Variants in PPM1D observed in about 807,000 individuals in gnomAD.
PPM1D encodes protein phosphatase 1D.
In PPM1D, 52 loss-of-function variants were observed where a neutral mutation model predicts 58.3. The ratio of observed to expected loss-of-function variants is 0.89; its 90% CI spans 0.71 to 1.12. PPM1D has a LOEUF of 1.12. Among genes scored for constraint, PPM1D ranks in the 50% most tolerant of loss-of-function variants. The pLI is 0.00. For synonymous variants in PPM1D, 278 were observed against 285.1 expected (o/e 0.98, Z 0.25); for missense variants, 564 against 777.2 (o/e 0.73, Z 3.26).
chr17:60,628,809 T>C (rs955359190), intron 2 of PPM1D, among the ~76,000 whole-genome samples: 2 of 152,108 alleles, frequency 1.3e-5, no homozygotes, highest in Non-Finnish European at 2.9e-5. Context: ...GGAGACACCC[T>C]GAAAAAGTCT....
At chr17:60,602,682 C>T (rs1033305156) in intron 1 of PPM1D, among the ~76,000 whole-genome samples, 2 of 150,220 alleles carry the variant, frequency 1.3e-5, no homozygotes, top group Non-Finnish European at 3.0e-5. Flanking sequence ...TAAGCTGTCA[C>T]TCTTATGATG....
intron 3 of PPM1D, among the ~76,000 whole-genome samples, chr17:60,638,670 G>C (rs975494646): frequency 2.6e-5 from 4 of 152,140 alleles, no homozygotes; most frequent in African/African-American, 9.6e-5. Context: ...CGACCGACCG[G>C]CCTGGAAATA....
At chr17:60,625,658 G>A (rs2030790889) in intron 2 of PPM1D, among the ~76,000 whole-genome samples, 1 of 152,144 alleles carries the variant, frequency 6.6e-6, no homozygotes, top group African/African-American at 2.4e-5. Flanking sequence ...ATTTTTCCAA[G>A]TAAAGGTAGA....
chr17:60,627,977 C>A (rs1376600888), intron 2 of PPM1D, among the ~76,000 whole-genome samples: 1 of 151,786 alleles, frequency 6.6e-6, no homozygotes, highest in African/African-American at 2.4e-5. Flanking sequence ...CCTCTGCTTC[C>A]TGGGTTCTCA....
chr17:60,614,344 G>A (rs1598400858), intron 1 of PPM1D, among the ~76,000 whole-genome samples: 1 of 152,178 alleles, frequency 6.6e-6, no homozygotes, highest in East Asian at 1.9e-4. Context: ...CTAGCTCAAG[G>A]TTTGTAAATG....
At chr17:60,636,838 A>G (rs2031031594) in intron 3 of PPM1D, among the ~76,000 whole-genome samples, 1 of 151,818 alleles carries the variant, frequency 6.6e-6, no homozygotes, top group Admixed American at 6.6e-5. Flanking sequence ...ATCACACCCA[A>G]CTAATTTTTA....
chr17:60,612,781 G>C (rs1382835815), intron 1 of PPM1D, among the ~76,000 whole-genome samples: 1 of 151,830 alleles, frequency 6.6e-6, no homozygotes, highest in Admixed American at 6.6e-5. Flanking sequence ...AGAAACAGCA[G>C]CATTTGGAGT....
At chr17:60,627,920 T>TTA (rs2030842993) in intron 2 of PPM1D, among the ~76,000 whole-genome samples, 1 of 149,154 alleles carries the variant, frequency 6.7e-6, no homozygotes, top group East Asian at 2.0e-4. Flanking sequence ...AGTTTTGCTC[T>TTA]TATTGCCCAG....
intron 3 of PPM1D, among the ~76,000 whole-genome samples, chr17:60,643,737 C>T (rs954331424): frequency 2.6e-5 from 4 of 151,996 alleles, no homozygotes; most frequent in Non-Finnish European, 2.9e-5. Context: ...ATGTGATATA[C>T]GGAGAAGGAC....
intron 5 of PPM1D, among the ~76,000 whole-genome samples, chr17:60,660,985 G>A (rs1490982716): frequency 3.3e-5 from 5 of 151,616 alleles, no homozygotes; most frequent in East Asian, 2.0e-4. Flanking sequence ...AGGCCGAGGC[G>A]GACAGATCAC....
chr17:60,641,638 T>G (rs2032141235), intron 3 of PPM1D, among the ~76,000 whole-genome samples: 1 of 152,202 alleles, frequency 6.6e-6, no homozygotes, highest in African/African-American at 2.4e-5. Context: ...TTTTGAGGAT[T>G]TAGTCACAGA....
intron 4 of PPM1D, among the ~76,000 whole-genome samples, chr17:60,653,567 G>T (rs1276846590): frequency 1.3e-5 from 2 of 152,178 alleles, no homozygotes; most frequent in African/African-American, 4.8e-5. Flanking sequence ...AAAAAATTAT[G>T]TGAAGAATGT....
intron 1 of PPM1D, among the ~76,000 whole-genome samples, chr17:60,615,121 G>T (rs185294677): frequency 6.6e-6 from 1 of 152,136 alleles, no homozygotes; most frequent in African/African-American, 2.4e-5. Context: ...CTTAGGCTGG[G>T]TGTGGTGGCT....
At chr17:60,634,303 T>C (rs1000738642) in intron 3 of PPM1D, among the ~76,000 whole-genome samples, 1 of 152,076 alleles carries the variant, frequency 6.6e-6, no homozygotes, top group Non-Finnish European at 1.5e-5. Context: ...TCCTAGCTAC[T>C]CAAGAGGCTG....
intron 5 of PPM1D, chr17:60,662,401 A>G (rs906054435): frequency 7.9e-5 from 12 of 152,146 alleles, no homozygotes; most frequent in African/African-American, 2.4e-4. Context: ...TCTTTGTATC[A>G]TTCCAATTTT....
intron 3 of PPM1D, among the ~76,000 whole-genome samples, chr17:60,639,604 CT>C (rs1041795859): frequency 6.6e-6 from 1 of 152,060 alleles, no homozygotes; most frequent in Non-Finnish European, 1.5e-5. Flanking sequence ...CACCCAGCTA[CT>C]TTTTGTATTT....
At chr17:60,643,002 G>C (rs905886639) in intron 3 of PPM1D, among the ~76,000 whole-genome samples, 2 of 148,200 alleles carry the variant, frequency 1.3e-5, no homozygotes, top group South Asian at 2.1e-4. Context: ...CAGGAGGCGA[G>C]ATCACGCCAC....
intron 3 of PPM1D, among the ~76,000 whole-genome samples, chr17:60,642,739 G>A (rs1373781636): frequency 6.6e-6 from 1 of 152,084 alleles, no homozygotes; most frequent in Admixed American, 6.5e-5. Context: ...TTACAGGCGT[G>A]AGCCACTGCC....
At chr17:60,651,805 A>G (rs2031348398) in intron 4 of PPM1D, among the ~76,000 whole-genome samples, 1 of 152,224 alleles carries the variant, frequency 6.6e-6, no homozygotes, top group South Asian at 2.1e-4. Flanking sequence ...TAAGTGATCC[A>G]GTCAGAGTTA....
Sources: allele counts gnomAD v4.1 joint callset (sites outside exome capture counted in the v4.1 genomes callset), GRCh38; gene constraint gnomAD v4.1.1; transcripts MANE v1.5; gene names NCBI Gene and HGNC (gene_info 2026-07-23, HGNC 2026-07-21).